The following USP9Y variants were observed in gnomAD, a reference collection of about 807,000 sequenced individuals.
USP9Y encodes the protein ubiquitin carboxyl-terminal hydrolase 9Y.
Under a neutral mutation model 53.1 loss-of-function variants are expected in USP9Y, and 41 were observed. The ratio of observed to expected loss-of-function variants is 0.77; its 90% CI spans 0.60 to 1.00. The LOEUF (loss-of-function observed/expected upper bound fraction) is 1.00. Ranked by LOEUF, USP9Y falls within the 50% of genes least tolerant of loss-of-function variation. The pLI is 0.00. For synonymous variants in USP9Y, 220 were observed against 173.7 expected (o/e 1.27, Z -2.09); for missense variants, 567 against 535.8 (o/e 1.06, Z -0.58).
Position 12,709,404 on chromosome Y carries a change from G to A in USP9Y, c.-44G>A. On this transcript the variant is annotated 5_prime_UTR_variant, in exon 3 of 46. Transcript: ENST00000338981. The stretch of plus-strand genomic sequence containing the variant: ...TTCCCTTAGGATAACTACATAAAGA[G>A]ACAAAAAAAAGAAAAAAGAGCAAAG... The A allele has an allele frequency of 3.1e-6, 1 of 320,952 alleles. No homozygotes were observed. The highest frequency in any genetic ancestry group is 3.3e-5 in the South Asian group (1 of 30,073). The allele number at this position is 320,952 out of a possible 400,897, so 80.1% of individuals were successfully genotyped here. A position where few individuals can be genotyped will look rare whatever the true frequency, so the allele number is the denominator to read the frequency against.
rs1427484638 is a variant in USP9Y, at chrY:12,738,152, T to G, written c.1165-5T>G. The G allele has an allele frequency of 2.6e-6, 1 of 383,617 alleles. No individual in the cohort carries two copies. Among genetic ancestry groups the G allele is most frequent in the Non-Finnish European group, 3.6e-6 (1 of 276,277 alleles). On this transcript the variant is annotated splice_polypyrimidine_tract_variant and splice_region_variant and intron_variant, in intron 10 of 45. Coordinates refer to ENST00000338981, the MANE Select transcript of USP9Y (RefSeq NM_004654.4). ...TTCAGCATTGAATTTTTGTATTACA[T>G]TTAGGAATGGATACAGCAAAATAAT...
intron 27 of USP9Y, among the ~76,000 whole-genome samples, chrY:12,794,035 G>A: frequency 9.0e-5 from 3 of 33,182 alleles, no homozygotes; most frequent in African/African-American, 3.5e-4. Context: ...TGGGTCATAG[G>A]GTAAGTTGTG....
At chrY:12,740,845 T>A (rs2053456604) in intron 12 of USP9Y, among the ~76,000 whole-genome samples, 2 of 32,370 alleles carry the variant, frequency 6.2e-5, no homozygotes, top group Non-Finnish European at 1.5e-4. Flanking sequence ...GGTGTCAATT[T>A]CTCTCTTTTT....
At chrY:12,749,498 T>C in intron 12 of USP9Y, among the ~76,000 whole-genome samples, 2 of 33,281 alleles carry the variant, frequency 6.0e-5, no homozygotes, top group South Asian at 1.4e-3. Context: ...GGGTTAGTCA[T>C]GCTTACCCAT....
chrY:12,791,496 C>A lies in USP9Y; in HGVS notation c.3688-3C>A, dbSNP rs2053508026. The A allele has an allele frequency of 3.1e-5, 12 of 391,580 alleles. No individual in the cohort carries two copies. The highest frequency in any genetic ancestry group is 4.3e-5 in the Non-Finnish European group (12 of 279,472). Reference sequence around the variant, plus strand: ...CTTTTAATTATTTATTTCTTTTCTGCAGGCTTCAAGATATATGCCTGATAT... The same window carrying A: ...CTTTTAATTATTTATTTCTTTTCTGAAGGCTTCAAGATATATGCCTGATAT... On this transcript the variant is annotated splice_region_variant and splice_polypyrimidine_tract_variant and intron_variant, in intron 25 of 45. Transcript: ENST00000338981.
intron 27 of USP9Y, among the ~76,000 whole-genome samples, chrY:12,794,075 T>C (rs576262106): frequency 1.8e-3 from 61 of 33,628 alleles, no homozygotes; most frequent in Non-Finnish European, 3.7e-4. Flanking sequence ...GCTGAACTTT[T>C]TTAACATTGG....
At chrY:12,835,658 C>CA (rs2053554879) in intron 34 of USP9Y, among the ~76,000 whole-genome samples, 1 of 32,631 alleles carries the variant, frequency 3.1e-5, no homozygotes, top group Non-Finnish European at 7.5e-5. Flanking sequence ...ACTAAAAATA[C>CA]AAAAAACTTA....
At chrY:12,766,985 G>T in intron 15 of USP9Y, among the ~76,000 whole-genome samples, 1 of 33,430 alleles carries the variant, frequency 3.0e-5, no homozygotes, top group African/African-American at 1.2e-4. Flanking sequence ...GAAAATGTAC[G>T]CAGACACAGG....
chrY:12,857,565 G>C lies in USP9Y; in HGVS notation c.7435-1G>C. Reference sequence around the variant, plus strand: ...TAATCTCTTTAAATATTTAAAATTAGGAGCCAGATGACCAGGATGCCCCAG... The same window carrying C: ...TAATCTCTTTAAATATTTAAAATTACGAGCCAGATGACCAGGATGCCCCAG... On this transcript the variant is annotated splice_acceptor_variant, in intron 44 of 45. Transcript: ENST00000338981. LOFTEE classifies it high-confidence loss of function. 2 of 379,567 alleles carry C rather than the reference G, an allele frequency of 5.3e-6. No homozygotes were observed. The highest frequency in any genetic ancestry group is 7.4e-6 in the Non-Finnish European group (2 of 271,699). The allele number at this position is 379,567 out of a possible 400,897, so 94.7% of individuals were successfully genotyped here. A position where few individuals can be genotyped will look rare whatever the true frequency, so the allele number is the denominator to read the frequency against.
intron 34 of USP9Y, among the ~76,000 whole-genome samples, chrY:12,834,753 T>A (rs888499597): frequency 8.8e-5 from 3 of 34,009 alleles, no homozygotes; most frequent in Non-Finnish European, 2.2e-4. Context: ...TAAGTATGTA[T>A]GTTTAGGAAG....
At chrY:12,802,578 T>A in intron 27 of USP9Y, 1 of 33,702 alleles carries the variant, frequency 3.0e-5, no homozygotes, top group Non-Finnish European at 7.4e-5. Context: ...TTATTCTCTG[T>A]TGATCTAGTT....
intron 33 of USP9Y, among the ~76,000 whole-genome samples, chrY:12,820,622 G>GT (rs2053540677): frequency 3.0e-5 from 1 of 33,230 alleles, no homozygotes; most frequent in Non-Finnish European, 7.4e-5. Context: ...TGTTTCAACT[G>GT]TTTTTTTCTT....
intron 12 of USP9Y, among the ~76,000 whole-genome samples, 196 bp downstream of exon 12, chrY:12,739,825 G>C: frequency 3.0e-5 from 1 of 33,788 alleles, no homozygotes; most frequent in Non-Finnish European, 7.4e-5. Flanking sequence ...TGTTGTAATA[G>C]TTTTCATCAC....
intron 12 of USP9Y, among the ~76,000 whole-genome samples, chrY:12,739,974 G>A (rs773317880): frequency 3.0e-5 from 1 of 33,137 alleles, no homozygotes; most frequent in African/African-American, 1.2e-4. Flanking sequence ...AAACATTCTG[G>A]TTCTATGGAG....
At chrY:12,736,829 C>T (rs2053452351) in intron 10 of USP9Y, among the ~76,000 whole-genome samples, 1 of 32,233 alleles carries the variant, frequency 3.1e-5, no homozygotes, top group Non-Finnish European at 7.5e-5. Context: ...ATGTGATTTT[C>T]GGAGGGGTTG....
Position 12,856,644 on chromosome Y carries a change from T to C in USP9Y, c.7233T>C (p.Asp2411=). 5.0e-6 allele frequency: 2 copies of C among 397,246 alleles called. No individual in the cohort carries two copies. The highest frequency in any genetic ancestry group is 7.1e-6 in the Non-Finnish European group (2 of 282,659). ...ATTTTTTTCTAAAGGGTAACGGAGA[T>C]CTTAAAAGAAAATGGACCTGGGCAG... ...VAYQILQGNG[D]LKRKWTWAVE... is the part of the protein sequence containing the mutation. Residue 2411 remains aspartate, a synonymous_variant, in exon 44 of 46, where the codon GAT becomes GAC. Coordinates refer to ENST00000338981, the MANE Select transcript of USP9Y (RefSeq NM_004654.4).
intron 19 of USP9Y, among the ~76,000 whole-genome samples, 173 bp from the exon 20 acceptor site, chrY:12,777,846 A>G: frequency 3.0e-5 from 1 of 33,398 alleles, no homozygotes; most frequent in East Asian, 7.7e-4. Flanking sequence ...TCACTGTTTA[A>G]AAGAAGCATG....
At chrY:12,807,484 C>T in intron 27 of USP9Y, among the ~76,000 whole-genome samples, 1 of 25,034 alleles carries the variant, frequency 4.0e-5, no homozygotes, top group Non-Finnish European at 9.0e-5. Context: ...CTGCCTCAGC[C>T]TCTTGAGTAG....
chrY:12,857,326 C>A (rs2053578694), intron 44 of USP9Y: 1 of 82,726 alleles, frequency 1.2e-5, no homozygotes, highest in Non-Finnish European at 2.3e-5. Context: ...AGGCTGGTCT[C>A]AAATCTTGAC....
Sources: allele counts gnomAD v4.1 joint callset (sites outside exome capture counted in the v4.1 genomes callset), GRCh38; gene constraint gnomAD v4.1.1; transcripts MANE v1.5; gene names NCBI Gene and HGNC (gene_info 2026-07-23, HGNC 2026-07-21).